Variants in SLC35F3 observed in about 807,000 individuals in gnomAD.
SLC35F3 encodes the protein solute carrier family 35 member F3, also known as putative thiamine transporter SLC35F3.
A neutral mutation model predicts 49.9 loss-of-function variants in SLC35F3; 25 were observed. That is an observed-to-expected ratio of 0.50 (90% CI 0.37 to 0.70). The LOEUF is 0.70. Among genes scored for constraint, SLC35F3 ranks in the 30% least tolerant of loss-of-function variants. The pLI is 0.00. For missense variants in SLC35F3, 525 were observed against 639.8 expected, an observed-to-expected ratio of 0.82 and a Z score of 1.94; for synonymous variants, 275 against 265.4, an observed-to-expected ratio of 1.04 and a Z score of -0.35.
chr1:233,961,511 C>T (rs1211116366), intron 2 of SLC35F3, among the ~76,000 whole-genome samples: 1 of 138,480 alleles, frequency 7.2e-6, no homozygotes, highest in East Asian at 2.2e-4. Context: ...GGCTGGAGGG[C>T]TATGGCGTGA....
At chr1:234,309,343 TCCTC>T (rs1170705386) in intron 4 of SLC35F3, 23 bp downstream of exon 4, 5 of 1,606,764 alleles carry the variant, frequency 3.1e-6, no homozygotes, top group South Asian at 2.2e-5. Context: ...TTATCTGTCT[TCCTC>T]CCTCACTCAG....
At chr1:233,917,121 C>T (rs531149042) in intron 2 of SLC35F3, among the ~76,000 whole-genome samples, 6 of 152,190 alleles carry the variant, frequency 3.9e-5, no homozygotes, top group African/African-American at 9.6e-5. Flanking sequence ...CATCTCGATC[C>T]GTCAGTTGGA....
intron 2 of SLC35F3, among the ~76,000 whole-genome samples, chr1:234,138,832 C>G (rs564317485): frequency 1.3e-5 from 2 of 152,232 alleles, no homozygotes; most frequent in East Asian, 3.9e-4. Context: ...ATTATACAGG[C>G]GAGAGCCACT....
At chr1:234,143,250 T>C (rs965218819) in intron 2 of SLC35F3, among the ~76,000 whole-genome samples, 2 of 151,798 alleles carry the variant, frequency 1.3e-5, no homozygotes, top group African/African-American at 2.4e-5. Flanking sequence ...ACCACTGTTC[T>C]CTCTGCTTCT....
At chr1:233,954,271 G>A (rs1332458802) in intron 2 of SLC35F3, among the ~76,000 whole-genome samples, 1 of 152,158 alleles carries the variant, frequency 6.6e-6, no homozygotes, top group Non-Finnish European at 1.5e-5. Context: ...CTCCCAAAGT[G>A]CTGGGATTAC....
intron 3 of SLC35F3, among the ~76,000 whole-genome samples, chr1:234,252,301 C>A (rs1413398697): frequency 1.3e-5 from 2 of 152,136 alleles, no homozygotes; most frequent in Non-Finnish European, 2.9e-5. Flanking sequence ...AACTCCTGGC[C>A]TCAAGTGATT....
At chr1:234,206,093 C>T (rs1572094428) in intron 2 of SLC35F3, among the ~76,000 whole-genome samples, 1 of 152,168 alleles carries the variant, frequency 6.6e-6, no homozygotes, top group Non-Finnish European at 1.5e-5. Context: ...TGCGGAGAGG[C>T]AGGGAGATGT....
intron 2 of SLC35F3, among the ~76,000 whole-genome samples, chr1:234,051,620 A>G (rs1039158442): frequency 3.3e-5 from 5 of 152,162 alleles, no homozygotes; most frequent in African/African-American, 1.2e-4. Context: ...TCCTAGTTGA[A>G]TACCCTTTAT....
intron 2 of SLC35F3, among the ~76,000 whole-genome samples, chr1:234,130,616 A>G (rs12097073): frequency 0.46 from 67,263 of 147,536 alleles, 16,557 homozygotes; most frequent in Non-Finnish European, 0.56. Context: ...ACTCCAGCCC[A>G]GGTGACAGAG....
At position 234,223,695 on chromosome 1, in the gene SLC35F3, C is replaced by T. The variant is rs144291964; in HGVS notation, c.284-7722C>T. On this transcript the variant is annotated intron_variant, in intron 2 of 7. Transcript: ENST00000366618. Reference sequence around the variant, plus strand: ...TCATACACATTCTGCAGAGTGGTGGCTCTTGGTCCATGCCTTACACCTTCT... The same window carrying T: ...TCATACACATTCTGCAGAGTGGTGGTTCTTGGTCCATGCCTTACACCTTCT... Among the ~76,000 whole-genome samples, 1,054 of 152,340 alleles carry T rather than the reference C, an allele frequency of 6.9e-3. 10 individuals are homozygous for T. The highest frequency in any genetic ancestry group is 0.023 in the African/African-American group (960 of 41,568).
At chr1:234,193,956 G>A (rs1263672850) in intron 2 of SLC35F3, among the ~76,000 whole-genome samples, 2 of 152,168 alleles carry the variant, frequency 1.3e-5, no homozygotes, top group African/African-American at 4.8e-5. Flanking sequence ...ATAGATGTTG[G>A]CATGGATATG....
At chr1:234,152,486 T>C (rs1666091524) in intron 2 of SLC35F3, among the ~76,000 whole-genome samples, 2 of 152,302 alleles carry the variant, frequency 1.3e-5, no homozygotes, top group South Asian at 4.2e-4. Flanking sequence ...TGTTTGGTTT[T>C]CTGTTCCTGT....
intron 2 of SLC35F3, among the ~76,000 whole-genome samples, chr1:234,154,128 T>TAGG (rs1424782593): frequency 6.6e-6 from 1 of 151,498 alleles, no homozygotes. Flanking sequence ...CCCAGCTACT[T>TAGG]AGGAGGCTGA....
At chr1:234,248,150 A>AGTTGGCTGGTGCATCGTTTG (rs1572114094) in intron 3 of SLC35F3, among the ~76,000 whole-genome samples, 24 of 92,808 alleles carry the variant, frequency 2.6e-4, no homozygotes, top group Admixed American at 8.7e-4. Context: ...TCCATTGTTC[A>AGTTGGCTGGTGCATCGTTTG]GTGGGTTGGT....
intron 2 of SLC35F3, among the ~76,000 whole-genome samples, chr1:234,100,995 C>G (rs906355441): frequency 3.3e-5 from 5 of 152,178 alleles, no homozygotes; most frequent in Non-Finnish European, 5.9e-5. Flanking sequence ...CACACCTCAA[C>G]CACTTGGGGC....
intron 2 of SLC35F3, among the ~76,000 whole-genome samples, chr1:233,979,851 C>T (rs187773412): frequency 5.5e-4 from 83 of 152,274 alleles, no homozygotes; most frequent in African/African-American, 1.8e-3. Context: ...CATCTGGTTC[C>T]GTCGTTTGAT....
chr1:234,226,371 G>C (rs1219901210), intron 2 of SLC35F3, among the ~76,000 whole-genome samples: 1 of 151,684 alleles, frequency 6.6e-6, no homozygotes, highest in Non-Finnish European at 1.5e-5. Context: ...ACTTTCTAAG[G>C]GTAAACTCTC....
chr1:234,149,599 C>T (rs1348688123), intron 2 of SLC35F3, among the ~76,000 whole-genome samples: 5 of 152,146 alleles, frequency 3.3e-5, no homozygotes, highest in South Asian at 2.1e-4. Context: ...AGAGAGGCAT[C>T]CCTAATCCTA....
intron 2 of SLC35F3, among the ~76,000 whole-genome samples, chr1:233,961,586 A>C (rs116027590): frequency 1.3e-5 from 2 of 151,300 alleles, no homozygotes; most frequent in Non-Finnish European, 2.9e-5. Flanking sequence ...CCACCCAGGT[A>C]GCTGGGATAA....
Sources: allele counts gnomAD v4.1 joint callset (sites outside exome capture counted in the v4.1 genomes callset), GRCh38; gene constraint gnomAD v4.1.1; transcripts MANE v1.5; gene names NCBI Gene and HGNC (gene_info 2026-07-23, HGNC 2026-07-21).